The following PARL variants were observed in gnomAD, a reference collection of about 807,000 sequenced individuals.
PARL encodes the protein presenilin associated rhomboid like.
Under a neutral mutation model 51.6 loss-of-function variants are expected in PARL, and 44 were observed. That is an observed-to-expected ratio of 0.85 (90% CI 0.67 to 1.10). PARL has a LOEUF of 1.10. Among genes scored for constraint, PARL ranks in the 50% least tolerant of loss-of-function variants. The pLI is 0.00. For synonymous variants in PARL, 172 were observed against 164.0 expected, an observed-to-expected ratio of 1.05 and a Z score of -0.37; for missense variants, 441 against 469.5, an observed-to-expected ratio of 0.94 and a Z score of 0.56.
downstream of PARL, chr3:183,826,826 G>A (rs1342224156): frequency 1.0e-6 from 1 of 965,382 alleles, no homozygotes; most frequent in Non-Finnish European, 1.2e-6. Flanking sequence ...ATGGCGCTTG[G>A]GACTAAAATT....
rs943260798 is a variant in PARL at position 183,829,402 on chromosome 3, T to C, written c.*196A>G. The C allele has an allele frequency of 2.6e-6, 4 of 1,512,086 alleles. No homozygotes were observed. Among genetic ancestry groups the C allele is most frequent in the Admixed American group, 4.3e-5 (2 of 46,618 alleles). 93.7% of individuals were successfully genotyped at this position (1,512,086 alleles called of 1,614,324 possible). Reference sequence around the variant, plus strand: ...CACACACATCTGCTTACAAACTAGATAGAAACCTTTATTTCACAACTTTAT... The same window carrying C: ...CACACACATCTGCTTACAAACTAGACAGAAACCTTTATTTCACAACTTTAT... On this transcript the variant is annotated 3_prime_UTR_variant, in exon 10 of 10. Coordinates refer to ENST00000317096, the MANE Select transcript of PARL (RefSeq NM_018622.7).
Position 183,829,676 on chromosome 3 carries a change from C to G in PARL, c.1062G>C (p.Trp354Cys). The change falls in exon 10 of 10, where the codon TGG becomes TGC. Residue 354 changes from tryptophan (W) to cysteine (C), a missense_variant. Coordinates refer to ENST00000317096, the MANE Select transcript of PARL (RefSeq NM_018622.7). ...WYVTYGHELI[W>C]KNREPLVKIW... ...TTTTCACTAGCGGCTCCCTGTTCTTCCAAATCAGTTCATGACCGTAAGTAA... is the reference window on the plus strand; with the variant it reads ...TTTTCACTAGCGGCTCCCTGTTCTTGCAAATCAGTTCATGACCGTAAGTAA... 6.2e-7 allele frequency: 1 copy of G among 1,614,140 alleles called. No individual in the cohort carries two copies. Among genetic ancestry groups the G allele is most frequent in the Non-Finnish European group, 8.5e-7 (1 of 1,180,026 alleles).
chr3:183,835,255 G>A (rs1168260309), intron 7 of PARL, among the ~76,000 whole-genome samples: 1 of 151,656 alleles, frequency 6.6e-6, no homozygotes, highest in Non-Finnish European at 1.5e-5. Context: ...TATAAAAACG[G>A]TTGTTTCTGG....
chr3:183,872,243 C>A (rs1733303749), intron 1 of PARL, among the ~76,000 whole-genome samples: 1 of 152,130 alleles, frequency 6.6e-6, no homozygotes, highest in South Asian at 2.1e-4. Context: ...CTCAGATGAT[C>A]CACCCGCCTC....
intron 4 of PARL, among the ~76,000 whole-genome samples, chr3:183,857,355 A>C (rs780787177): frequency 6.6e-6 from 1 of 152,234 alleles, no homozygotes; most frequent in Non-Finnish European, 1.5e-5. Flanking sequence ...TAATTAGTTG[A>C]GTTGTACATC....
chr3:183,868,407 G>C (rs1489636966), intron 1 of PARL, among the ~76,000 whole-genome samples: 4 of 149,336 alleles, frequency 2.7e-5, no homozygotes, highest in Admixed American at 1.3e-4. Context: ...TTTTTTTTGA[G>C]ACAGGGTCTC....
intron 7 of PARL, among the ~76,000 whole-genome samples, chr3:183,839,963 G>A (rs1184416007): frequency 3.3e-5 from 5 of 150,272 alleles, no homozygotes; most frequent in Non-Finnish European, 5.9e-5. Flanking sequence ...TCGAATTCTT[G>A]GGCTCATCCT....
intron 4 of PARL, among the ~76,000 whole-genome samples, chr3:183,852,558 C>T (rs1256328597): frequency 6.6e-6 from 1 of 151,852 alleles, no homozygotes; most frequent in Non-Finnish European, 1.5e-5. Flanking sequence ...ATGAAAAAGT[C>T]CTGGAAATAG....
intron 9 of PARL, among the ~76,000 whole-genome samples, chr3:183,832,077 A>G (rs1420723484): frequency 6.6e-6 from 1 of 152,184 alleles, no homozygotes; most frequent in Non-Finnish European, 1.5e-5. Flanking sequence ...GTCAGTTTCT[A>G]CTATTTATAC....
intron 4 of PARL, among the ~76,000 whole-genome samples, chr3:183,854,555 T>C (rs1238393354): frequency 2.0e-5 from 3 of 151,724 alleles, no homozygotes; most frequent in Non-Finnish European, 4.4e-5. Context: ...AAAAAGGAAG[T>C]AGAATGGTGG....
At chr3:183,874,660 G>A (rs546713550) in intron 1 of PARL, among the ~76,000 whole-genome samples, 8 of 152,122 alleles carry the variant, frequency 5.3e-5, no homozygotes, top group Non-Finnish European at 7.4e-5. Flanking sequence ...CTCCCGCTTC[G>A]GCCTCCCAAA....
chr3:183,882,320 CAT>C (rs200504483), intron 1 of PARL, among the ~76,000 whole-genome samples: 54,582 of 127,726 alleles, frequency 0.43, 12,846 homozygotes, highest in Middle Eastern at 0.57. Flanking sequence ...TATATACACA[CAT>C]ATATACACAT....
chr3:183,848,008 G>A (rs1730152139), intron 4 of PARL, among the ~76,000 whole-genome samples: 2 of 152,182 alleles, frequency 1.3e-5, no homozygotes, highest in South Asian at 4.1e-4. Context: ...CTGTCCTAGT[G>A]CCTACCCTCA....
intron 1 of PARL, among the ~76,000 whole-genome samples, chr3:183,880,980 A>T (rs372764127): frequency 1.3e-5 from 2 of 150,308 alleles, no homozygotes; most frequent in Non-Finnish European, 3.0e-5. Flanking sequence ...ATACCCACTA[A>T]TTTTTTTTAC....
intron 4 of PARL, among the ~76,000 whole-genome samples, chr3:183,860,474 C>T (rs573893992): frequency 6.6e-6 from 1 of 152,298 alleles, no homozygotes; most frequent in East Asian, 1.9e-4. Context: ...TGACCATTCA[C>T]ATTTATGTTG....
intron 1 of PARL, among the ~76,000 whole-genome samples, chr3:183,876,610 T>TAAAAAAAAAAA (rs576376716): frequency 2.2e-4 from 20 of 91,802 alleles, no homozygotes; most frequent in South Asian, 3.9e-4. Flanking sequence ...ATACATTTTG[T>TAAAAAAAAAAA]AAAAAAAAAA....
At chr3:183,836,141 C>T (rs574437794) in intron 7 of PARL, among the ~76,000 whole-genome samples, 86 of 144,106 alleles carry the variant, frequency 6.0e-4, no homozygotes, top group African/African-American at 2.1e-3. Context: ...TGCTTGAACC[C>T]GGGAGGCAGA....
chr3:183,834,960 A>G (rs1429198057), intron 7 of PARL, among the ~76,000 whole-genome samples: 1 of 151,274 alleles, frequency 6.6e-6, no homozygotes, highest in Non-Finnish European at 1.5e-5. Context: ...TTAGGATGCT[A>G]AGGCCCGAGA....
At chr3:183,839,404 A>T (rs538047292) in intron 7 of PARL, among the ~76,000 whole-genome samples, 39 of 152,156 alleles carry the variant, frequency 2.6e-4, no homozygotes, top group East Asian at 5.8e-4. Context: ...ACTTAAAAAA[A>T]TTTTTTTTCT....
Sources: allele counts gnomAD v4.1 joint callset (sites outside exome capture counted in the v4.1 genomes callset), GRCh38; gene constraint gnomAD v4.1.1; transcripts MANE v1.5; gene names NCBI Gene and HGNC (gene_info 2026-07-23, HGNC 2026-07-21).